The following ELF2 variants were observed in gnomAD, a reference collection of about 807,000 sequenced individuals.
ELF2 encodes the protein E74 like ETS transcription factor 2.
ELF2 carries 11 observed loss-of-function variants against 54.8 expected under a neutral mutation model. The ratio of observed to expected loss-of-function variants is 0.20; its 90% CI spans 0.13 to 0.33. The LOEUF is 0.33. ELF2 is among the 10% of genes least tolerant of loss of function. The probability of loss-of-function intolerance (pLI) is 1.00; values close to 1 mark genes in which losing one functional copy is unlikely to be tolerated. For missense variants in ELF2, 513 were observed against 703.0 expected, an observed-to-expected ratio of 0.73 and a Z score of 3.06; for synonymous variants, 203 against 245.1, an observed-to-expected ratio of 0.83 and a Z score of 1.61.
chr4:139,088,377 A>T (rs1578758487), intron 4 of ELF2, among the ~76,000 whole-genome samples: 1 of 152,182 alleles, frequency 6.6e-6, no homozygotes, highest in African/African-American at 2.4e-5. Flanking sequence ...TATTTAGATT[A>T]ACCAATTTCT....
chr4:139,084,312 C>T lies in ELF2; in HGVS notation c.239-10745G>A, dbSNP rs956053151. The T allele has an allele frequency of 7.0e-6, 11 of 1,582,372 alleles. No individual in the cohort carries two copies. The African/African-American group carries it at 1.2e-4, about 17-fold the overall frequency. On this transcript the variant is annotated intron_variant, in intron 4 of 9. Transcript: ENST00000686138. ...CGTGCGACCGACACACACTCACGCACTCGCACACACTCCGACGCCCGGATC... is the reference window on the plus strand; with the variant it reads ...CGTGCGACCGACACACACTCACGCATTCGCACACACTCCGACGCCCGGATC...
At chr4:139,072,843 T>C (rs968490492) in intron 5 of ELF2, among the ~76,000 whole-genome samples, 4 of 152,248 alleles carry the variant, frequency 2.6e-5, no homozygotes, top group Admixed American at 1.3e-4. Flanking sequence ...AGAAGTATGG[T>C]TGCTCTTATT....
intron 1 of ELF2, among the ~76,000 whole-genome samples, chr4:139,167,418 T>C (rs1741832393): frequency 6.6e-6 from 1 of 152,230 alleles, no homozygotes; most frequent in Admixed American, 6.5e-5. Flanking sequence ...GATTTCTTTG[T>C]GGTCAACAGC....
chr4:139,090,913 GTTTGTTTTGTTTTGTTTTGT>G (rs60267592), intron 4 of ELF2, among the ~76,000 whole-genome samples: 2 of 149,540 alleles, frequency 1.3e-5, no homozygotes, highest in South Asian at 2.1e-4. Flanking sequence ...ATAGTATATG[GTTTGTTTTGTTTTGTTTTGT>G]TTTGTTTTGT....
intron 1 of ELF2, among the ~76,000 whole-genome samples, chr4:139,153,512 G>A (rs932248310): frequency 8.6e-5 from 13 of 151,778 alleles, no homozygotes; most frequent in Non-Finnish European, 1.6e-4. Context: ...TATCCCAAAG[G>A]GAAAAGTTAA....
intron 1 of ELF2, among the ~76,000 whole-genome samples, chr4:139,176,402 C>G (rs1385806772): frequency 6.6e-6 from 1 of 152,074 alleles, no homozygotes; most frequent in Non-Finnish European, 1.5e-5. Flanking sequence ...CCAGCGCCCC[C>G]CCCCGCCTGC....
chr4:139,114,561 T>TCACACACACACACACACA (rs776035411), intron 4 of ELF2, among the ~76,000 whole-genome samples: 56 of 108,634 alleles, frequency 5.2e-4, no homozygotes, highest in African/African-American at 1.6e-3. Flanking sequence ...GACTTCAGTC[T>TCACACACACACACACACA]CACACACACA....
upstream of ELF2, chr4:139,177,260 C>A (rs1026614498): frequency 1.5e-3 from 223 of 148,982 alleles, no homozygotes; most frequent in African/African-American, 5.2e-3. Context: ...CCTCCCTCCA[C>A]CCCCCGCCTC....
At position 139,089,794 on chromosome 4, in the gene ELF2, T is replaced by C. The variant is rs72949607; in HGVS notation, c.239-16227A>G. 7.8e-3 allele frequency among the ~76,000 whole-genome samples: 1,190 copies of C among 152,346 alleles called. 21 individuals carry two copies. Among genetic ancestry groups the C allele is most frequent in the African/African-American group, 0.027 (1,125 of 41,584 alleles). On this transcript the variant is annotated intron_variant, in intron 4 of 9. Transcript: ENST00000686138. ...TATTCATCACATTATCTAATAAAGT[T>C]ATTCATCACATTAGCAAATAGTTTC...
At chr4:139,095,588 A>C (rs1408979024) in intron 4 of ELF2, among the ~76,000 whole-genome samples, 1 of 152,228 alleles carries the variant, frequency 6.6e-6, no homozygotes, top group African/African-American at 2.4e-5. Context: ...TTAAATCTAT[A>C]CAGATGATTA....
chr4:139,157,072 A>G (rs895354863), intron 1 of ELF2, among the ~76,000 whole-genome samples: 2 of 152,204 alleles, frequency 1.3e-5, no homozygotes, highest in Non-Finnish European at 2.9e-5. Context: ...TGCAAACCTT[A>G]TAGAGCGTAC....
At chr4:139,119,622 G>A (rs1162180309) in intron 4 of ELF2, among the ~76,000 whole-genome samples, 1 of 152,180 alleles carries the variant, frequency 6.6e-6, no homozygotes, top group African/African-American at 2.4e-5. Context: ...TTATTGCTAG[G>A]TCTGCAGTAC....
intron 1 of ELF2, among the ~76,000 whole-genome samples, chr4:139,173,713 G>A (rs1053803327): frequency 4.1e-5 from 6 of 147,874 alleles, no homozygotes; most frequent in Admixed American, 2.0e-4. Flanking sequence ...AGCTGAGATC[G>A]TGCCACTGCA....
At chr4:139,122,044 G>T (rs1210572967) in intron 4 of ELF2, among the ~76,000 whole-genome samples, 1 of 152,174 alleles carries the variant, frequency 6.6e-6, no homozygotes, top group African/African-American at 2.4e-5. Context: ...CACTGTTTAT[G>T]ATATGGACAC....
rs762602777 is a variant in ELF2, at chr4:139,060,643, C to T, written c.838G>A (p.Val280Ile). 6.3e-7 allele frequency: 1 copy of T among 1,598,488 alleles called. No homozygotes were observed. The highest frequency in any genetic ancestry group is 8.5e-7 in the Non-Finnish European group (1 of 1,171,860). The change falls in exon 9 of 10, where the codon GTT (valine) becomes ATT (isoleucine). Residue 280 changes from valine (V) to isoleucine (I), a missense_variant. Val to Ile is a conservative substitution (Grantham distance 29). Around this residue, in one of 3 missense-constraint regions of ELF2, gnomAD observed 19 missense variants for 91.0 expected, o/e 0.21. Transcript: ENST00000686138. Reference sequence around the variant, plus strand: ...TGATATACAAGCCTCTGTCCTTCAACCTTTGCAAGAATTCCCCTTTGGTAG... The same window carrying T: ...TGATATACAAGCCTCTGTCCTTCAATCTTTGCAAGAATTCCCCTTTGGTAG... ...YYYQRGILAK[V>I]EGQRLVYQFK... is the part of the protein sequence containing the mutation.
rs777707580 is a variant in ELF2, at chr4:139,060,564, G to T, written c.917C>A (p.Thr306Asn). 4 of 1,613,956 alleles carry T rather than the reference G, an allele frequency of 2.5e-6. No homozygotes were observed. The highest frequency in any genetic ancestry group is 2.7e-5 in the African/African-American group (2 of 74,890). ...AGTTCCTGCTAAATCTTCATTACAGGTTTCACTTTTGTCATCATCTATGAC... is the reference window on the plus strand; with the variant it reads ...AGTTCCTGCTAAATCTTCATTACAGTTTTCACTTTTGTCATCATCTATGAC... ...IVVIDDDKSE[T>N]CNEDLAGTTD... Residue 306 changes from threonine (T) to asparagine (N), a missense_variant, in exon 9 of 10, where the codon ACC (threonine) becomes AAC (asparagine). Thr to Asn is a moderately conservative substitution (Grantham distance 65, BLOSUM62 0). Around this residue, in one of 3 missense-constraint regions of ELF2, gnomAD observed 291 missense variants for 366.1 expected, o/e 0.79. Coordinates refer to ENST00000686138, the MANE Select transcript of ELF2 (RefSeq NM_001331036.3).
At chr4:139,101,619 T>A (rs1223167231) in intron 4 of ELF2, 1 of 152,234 alleles carries the variant, frequency 6.6e-6, no homozygotes, top group Admixed American at 6.5e-5. Flanking sequence ...ATTTATATGA[T>A]CTTACAATAG....
intron 1 of ELF2, among the ~76,000 whole-genome samples, chr4:139,162,413 C>T (rs1488004211): frequency 6.6e-6 from 1 of 151,790 alleles, no homozygotes; most frequent in East Asian, 1.9e-4. Context: ...TGCCTGTAAT[C>T]CCAGCTACTC....
At chr4:139,092,659 G>C (rs1481374042) in intron 4 of ELF2, among the ~76,000 whole-genome samples, 2 of 151,836 alleles carry the variant, frequency 1.3e-5, no homozygotes, top group East Asian at 3.9e-4. Context: ...AACTTAGCCA[G>C]ACATGGCGGT....
Sources: gnomAD v4.1 joint callset for allele counts (sites outside exome capture counted in the v4.1 genomes callset) on GRCh38, gnomAD v4.1.1 for gene constraint, gnomAD v4.1.1 regional missense constraint, MANE v1.5 for transcripts, NCBI Gene and HGNC (gene_info 2026-07-23, HGNC 2026-07-21) for gene names.